PCSK2: variants seen among roughly 807,000 people sequenced by gnomAD.
PCSK2 encodes the protein proprotein convertase subtilisin/kexin type 2.
PCSK2 carries 14 observed loss-of-function variants against 69.7 expected under a neutral mutation model. The ratio of observed to expected loss-of-function variants is 0.20; its 90% CI spans 0.13 to 0.31. The LOEUF (loss-of-function observed/expected upper bound fraction) is 0.31, where lower values mean the gene tolerates loss of function less well. PCSK2 is among the 10% of genes least tolerant of loss of function. The pLI is 1.00. For missense variants in PCSK2, 544 were observed against 842.5 expected (o/e 0.65, Z 4.39); for synonymous variants, 307 against 320.7 (o/e 0.96, Z 0.46).
chr20:17,228,222 G>A (rs1039503353), intron 1 of PCSK2: 1 of 152,294 alleles, frequency 6.6e-6, no homozygotes, highest in Non-Finnish European at 1.5e-5. Context: ...TGATGCGTGG[G>A]CGGCCAGCCT....
At chr20:17,333,678 C>T (rs1990262003) in intron 2 of PCSK2, among the ~76,000 whole-genome samples, 1 of 151,876 alleles carries the variant, frequency 6.6e-6, no homozygotes, top group South Asian at 2.1e-4. Context: ...TCTCTGGGGC[C>T]ACTTCATGTA....
chr20:17,391,051 A>G (rs1265519135), intron 5 of PCSK2, among the ~76,000 whole-genome samples: 2 of 152,230 alleles, frequency 1.3e-5, no homozygotes, highest in Non-Finnish European at 2.9e-5. Flanking sequence ...AAACTACGAG[A>G]CGAATGTGTT....
At chr20:17,417,855 T>A (rs1274876436) in intron 6 of PCSK2, among the ~76,000 whole-genome samples, 1 of 152,220 alleles carries the variant, frequency 6.6e-6, no homozygotes, top group Non-Finnish European at 1.5e-5. Flanking sequence ...GGGTTAATCA[T>A]TGTTAAAGCT....
chr20:17,237,244 C>G (rs1986377459), intron 1 of PCSK2, among the ~76,000 whole-genome samples: 1 of 152,014 alleles, frequency 6.6e-6, no homozygotes, highest in Non-Finnish European at 1.5e-5. Flanking sequence ...TTGAGCACTT[C>G]CAGATAATGA....
At chr20:17,264,352 A>G (rs1186856217) in intron 2 of PCSK2, among the ~76,000 whole-genome samples, 4 of 152,214 alleles carry the variant, frequency 2.6e-5, no homozygotes, top group African/African-American at 7.2e-5. Flanking sequence ...TCATTTTTAA[A>G]CATGTTTCAG....
In PCSK2 at chr20:17,433,785, T is replaced by TTCTCTCTCTCTCTCTCTCTC. The variant is rs369676259; in HGVS notation, c.710-2914_710-2895dup. Among the ~76,000 whole-genome samples, 12 of 40,840 alleles carry TTCTCTCTCTCTCTCTCTCTC rather than the reference T, an allele frequency of 2.9e-4. 3 individuals are homozygous for TTCTCTCTCTCTCTCTCTCTC. Among genetic ancestry groups the TTCTCTCTCTCTCTCTCTCTC allele is most frequent in the African/African-American group, 9.4e-4 (11 of 11,714 alleles). 26.8% of individuals were successfully genotyped at this position (40,840 alleles called of 152,430 possible). A position where few individuals can be genotyped will look rare whatever the true frequency, so the allele number is the denominator to read the frequency against. On this transcript the variant is annotated intron_variant, in intron 7 of 11. Transcript: ENST00000262545. Reference sequence around the variant, plus strand: ...GACACAGACTCCTAGCTCCTTTGATTTCTCTCTCTCTCTCTCTCTCTCTCT... The same window carrying TTCTCTCTCTCTCTCTCTCTC: ...GACACAGACTCCTAGCTCCTTTGATTTCTCTCTCTCTCTCTCTCTCTCTCTCTCTCTCTCTCTCTCTCTCT...
At chr20:17,255,271 A>G (rs1238607609) in intron 1 of PCSK2, among the ~76,000 whole-genome samples, 4 of 152,086 alleles carry the variant, frequency 2.6e-5, no homozygotes, top group Non-Finnish European at 5.9e-5. Flanking sequence ...GCCTTTCACC[A>G]TTAACTATGG....
At chr20:17,435,803 C>T (rs1367922501) in intron 7 of PCSK2, among the ~76,000 whole-genome samples, 1 of 152,176 alleles carries the variant, frequency 6.6e-6, no homozygotes, top group Non-Finnish European at 1.5e-5. Context: ...ACCCCGTCAG[C>T]GAAGTTTTGA....
intron 10 of PCSK2, among the ~76,000 whole-genome samples, chr20:17,460,582 A>G (rs557444472): frequency 1.3e-5 from 2 of 152,346 alleles, no homozygotes; most frequent in East Asian, 3.9e-4. Context: ...TCTTATCAAC[A>G]AAAGGTAGCA....
chr20:17,378,618 T>TGGAC (rs2030998941), intron 5 of PCSK2, among the ~76,000 whole-genome samples: 1 of 148,112 alleles, frequency 6.8e-6, no homozygotes, highest in South Asian at 2.2e-4. Flanking sequence ...GATGGATGGA[T>TGGAC]GGATGGATGG....
At chr20:17,257,591 G>A (rs1286160166) in intron 1 of PCSK2, among the ~76,000 whole-genome samples, 3 of 152,120 alleles carry the variant, frequency 2.0e-5, no homozygotes, top group East Asian at 3.9e-4. Context: ...CCAATGACAG[G>A]GCAGAGGTTT....
chr20:17,298,654 A>T (rs928227680), intron 2 of PCSK2, among the ~76,000 whole-genome samples: 3 of 152,170 alleles, frequency 2.0e-5, no homozygotes, highest in African/African-American at 7.2e-5. Context: ...TTAAATTTTT[A>T]AATTCCTGTT....
intron 1 of PCSK2, among the ~76,000 whole-genome samples, chr20:17,248,375 G>A (rs1391104957): frequency 4.6e-5 from 7 of 152,168 alleles, no homozygotes; most frequent in Non-Finnish European, 7.4e-5. Flanking sequence ...GGAATGCATC[G>A]ATCAGCCTTA....
At chr20:17,387,330 A>T (rs1334551291) in intron 5 of PCSK2, among the ~76,000 whole-genome samples, 1 of 152,156 alleles carries the variant, frequency 6.6e-6, no homozygotes, top group East Asian at 1.9e-4. Context: ...ACATATATAT[A>T]TTTTGTTTCA....
At chr20:17,362,148 TTGAC>T (rs986663055) in intron 4 of PCSK2, among the ~76,000 whole-genome samples, 23 of 152,234 alleles carry the variant, frequency 1.5e-4, no homozygotes, top group African/African-American at 5.5e-4. Flanking sequence ...TGAAAGCTCT[TTGAC>T]TGACTCCTAA....
At chr20:17,478,517 G>A (rs1274689336) in intron 11 of PCSK2, among the ~76,000 whole-genome samples, 1 of 152,024 alleles carries the variant, frequency 6.6e-6, no homozygotes, top group Non-Finnish European at 1.5e-5. Context: ...AAAAAAAATC[G>A]ATTTACTAAT....
At chr20:17,409,425 G>A in intron 6 of PCSK2, 86 bp downstream of exon 6, 1 of 855,054 alleles carries the variant, frequency 1.2e-6, no homozygotes, top group Non-Finnish European at 2.0e-6. Context: ...ACTACCACCA[G>A]CAAAATAATC....
chr20:17,303,380 T>G (rs1451060839), intron 2 of PCSK2, among the ~76,000 whole-genome samples: 1 of 127,792 alleles, frequency 7.8e-6, no homozygotes, highest in Non-Finnish European at 1.6e-5. Context: ...TAATTATATA[T>G]TAATATAATA....
chr20:17,240,805 T>C (rs1237191490), intron 1 of PCSK2, among the ~76,000 whole-genome samples: 7 of 152,178 alleles, frequency 4.6e-5, no homozygotes, highest in Non-Finnish European at 1.0e-4. Flanking sequence ...CCTAAAATAG[T>C]TGGTGTTTGT....
Sources: gnomAD v4.1 joint callset for allele counts (sites outside exome capture counted in the v4.1 genomes callset) on GRCh38, gnomAD v4.1.1 for gene constraint, MANE v1.5 for transcripts, NCBI Gene and HGNC (gene_info 2026-07-23, HGNC 2026-07-21) for gene names.